The following MAD1L1 variants were observed in gnomAD, a reference collection of about 807,000 sequenced individuals.
The protein encoded by MAD1L1 is mitotic spindle assembly checkpoint protein MAD1.
Under a neutral mutation model 96.9 loss-of-function variants are expected in MAD1L1, and 95 were observed. The observed-to-expected ratio is 0.98, with a 90% CI of 0.83 to 1.16. The LOEUF (loss-of-function observed/expected upper bound fraction) is 1.16, where lower values mean the gene tolerates loss of function less well. Ranked by LOEUF, MAD1L1 falls within the 50% of genes most tolerant of loss-of-function variation. The pLI is 0.00. For missense variants in MAD1L1, 1,007 were observed against 954.4 expected (o/e 1.06, Z -0.73); for synonymous variants, 473 against 396.6 (o/e 1.19, Z -2.29).
chr7:1,949,641 C>T lies in MAD1L1; in HGVS notation c.1596+7988G>A, dbSNP rs532432803. Among the ~76,000 whole-genome samples, 10 of 152,346 alleles carry T rather than the reference C, an allele frequency of 6.6e-5. No individual in the cohort carries two copies. The East Asian group carries it at 1.2e-3, about 18-fold the overall frequency. On this transcript the variant is annotated intron_variant, in intron 16 of 18. Coordinates refer to ENST00000265854, the MANE Select transcript of MAD1L1 (RefSeq NM_001013836.2). Reference sequence around the variant, plus strand: ...ACCTCCCCTGAAACCCCACAGGCACCGGCAGGGCCCTGTGCTTCCCTTCTC... The same window carrying T: ...ACCTCCCCTGAAACCCCACAGGCACTGGCAGGGCCCTGTGCTTCCCTTCTC...
At chr7:2,120,267 C>T (rs1787910857) in intron 11 of MAD1L1, among the ~76,000 whole-genome samples, 1 of 152,230 alleles carries the variant, frequency 6.6e-6, no homozygotes, top group Non-Finnish European at 1.5e-5. Context: ...AACAGCCCCG[C>T]CTGTATGTTA....
At chr7:2,185,826 C>T (rs970709645) in intron 10 of MAD1L1, among the ~76,000 whole-genome samples, 1 of 152,194 alleles carries the variant, frequency 6.6e-6, no homozygotes, top group African/African-American at 2.4e-5. Context: ...TCATCTAAGC[C>T]ACCGGACTCA....
intron 18 of MAD1L1, among the ~76,000 whole-genome samples, chr7:1,825,011 A>C: frequency 6.6e-6 from 1 of 151,966 alleles, no homozygotes; most frequent in Non-Finnish European, 1.5e-5. Context: ...TTAGAAAATC[A>C]AAATGTTAAT....
intron 10 of MAD1L1, among the ~76,000 whole-genome samples, chr7:2,173,513 C>T (rs531967055): frequency 1.3e-5 from 2 of 152,342 alleles, no homozygotes; most frequent in Admixed American, 6.5e-5. Context: ...GTCTGTTTAT[C>T]GCTCATTCCA....
chr7:1,901,683 A>G (rs1787254428), intron 17 of MAD1L1, among the ~76,000 whole-genome samples: 1 of 152,146 alleles, frequency 6.6e-6, no homozygotes, highest in Non-Finnish European at 1.5e-5. Context: ...TGGCCTCACC[A>G]AGGCTTTTAG....
chr7:2,218,468 G>C (rs544165981), intron 6 of MAD1L1, among the ~76,000 whole-genome samples: 1 of 152,214 alleles, frequency 6.6e-6, no homozygotes, highest in Non-Finnish European at 1.5e-5. Context: ...TGATGGAAGG[G>C]TCCAAGTCTG....
At chr7:2,211,493 G>A (rs879757085) in intron 10 of MAD1L1, among the ~76,000 whole-genome samples, 10 of 152,236 alleles carry the variant, frequency 6.6e-5, no homozygotes, top group East Asian at 3.9e-4. Flanking sequence ...CAGCAGGGCC[G>A]GGCCCATCAG....
chr7:2,044,152 G>T (rs774622332), intron 12 of MAD1L1, among the ~76,000 whole-genome samples: 3 of 152,222 alleles, frequency 2.0e-5, no homozygotes, highest in African/African-American at 7.2e-5. Flanking sequence ...AAATCATAGC[G>T]AATGCTCACA....
intron 17 of MAD1L1, among the ~76,000 whole-genome samples, chr7:1,917,470 T>C (rs1475510174): frequency 6.6e-6 from 1 of 152,092 alleles, no homozygotes; most frequent in African/African-American, 2.4e-5. Flanking sequence ...GCGCCGCCCC[T>C]CTCCGCCCTC....
At chr7:2,133,883 T>C (rs1788632144) in intron 11 of MAD1L1, among the ~76,000 whole-genome samples, 1 of 152,210 alleles carries the variant, frequency 6.6e-6, no homozygotes, top group Admixed American at 6.5e-5. Context: ...TCTGACCTGT[T>C]CCACAGACCT....
At chr7:1,987,531 T>C (rs1213418331) in intron 14 of MAD1L1, among the ~76,000 whole-genome samples, 1 of 150,836 alleles carries the variant, frequency 6.6e-6, no homozygotes, top group Non-Finnish European at 1.5e-5. Context: ...AGAAGCCGTG[T>C]AGACATATCA....
In MAD1L1 at chr7:1,908,555, A is replaced by G. The variant is rs180915160; in HGVS notation, c.1808-10165T>C. On this transcript the variant is annotated intron_variant, in intron 17 of 18. Transcript: ENST00000265854. ...ACACCACCACACTGGGCTAATATAT[A>G]TATTTTTAGGGTCTTTCTATGTTGC... Among the ~76,000 whole-genome samples the G allele has an allele frequency of 7.2e-5, 11 of 152,050 alleles. No individual in the cohort carries two copies. The East Asian group carries it at 1.9e-3, about 27-fold the overall frequency.
chr7:1,947,731 C>T (rs1779295059), intron 16 of MAD1L1, among the ~76,000 whole-genome samples: 1 of 152,234 alleles, frequency 6.6e-6, no homozygotes, highest in African/African-American at 2.4e-5. Context: ...GTGGAACCTG[C>T]CTCTGTAACA....
intron 18 of MAD1L1, chr7:1,847,392 G>C (rs1406035727): frequency 4.2e-6 from 2 of 470,858 alleles, no homozygotes; most frequent in African/African-American, 4.0e-5. Flanking sequence ...TACGTGACTT[G>C]GGAAGATGTG....
At chr7:2,001,031 C>T (rs1217517915) in intron 14 of MAD1L1, among the ~76,000 whole-genome samples, 3 of 152,360 alleles carry the variant, frequency 2.0e-5, no homozygotes, top group East Asian at 1.9e-4. Flanking sequence ...CACCCACAAC[C>T]GCCACAGGCT....
At chr7:1,982,010 A>AGGCCCCC (rs911500409) in intron 14 of MAD1L1, among the ~76,000 whole-genome samples, 2 of 152,034 alleles carry the variant, frequency 1.3e-5, no homozygotes, top group Admixed American at 6.5e-5. Flanking sequence ...CCAGCGCCCC[A>AGGCCCCC]GGCCCCCGAC....
At chr7:1,863,897 G>A (rs1449889891) in intron 18 of MAD1L1, among the ~76,000 whole-genome samples, 4 of 152,214 alleles carry the variant, frequency 2.6e-5, no homozygotes, top group African/African-American at 4.8e-5. Context: ...GACCAGCCTG[G>A]CCAAGATGGT....
At chr7:2,037,503 C>A (rs1179008111) in intron 12 of MAD1L1, among the ~76,000 whole-genome samples, 2 of 152,182 alleles carry the variant, frequency 1.3e-5, no homozygotes, top group African/African-American at 4.8e-5. Context: ...ATCCTCATGG[C>A]GTTTCAGACA....
At chr7:1,986,594 A>G (rs1294281251) in intron 14 of MAD1L1, among the ~76,000 whole-genome samples, 1 of 145,486 alleles carries the variant, frequency 6.9e-6, no homozygotes, top group Non-Finnish European at 1.5e-5. Context: ...GCACTGCTCC[A>G]GGCTTCCCCG....
Sources: allele counts gnomAD v4.1 joint callset (sites outside exome capture counted in the v4.1 genomes callset), GRCh38; gene constraint gnomAD v4.1.1; transcripts MANE v1.5; gene names NCBI Gene and HGNC (gene_info 2026-07-23, HGNC 2026-07-21).